The following TTC13 variants were observed in gnomAD, a reference collection of about 807,000 sequenced individuals.
TTC13 encodes the protein tetratricopeptide repeat protein 13.
A neutral mutation model predicts 120.0 loss-of-function variants in TTC13; 62 were observed. That is an observed-to-expected ratio of 0.52 (90% CI 0.42 to 0.64). The LOEUF is 0.64. Ranked by LOEUF, TTC13 falls within the 30% of genes least tolerant of loss-of-function variation. TTC13 has a pLI of 0.00. For missense variants in TTC13, 824 were observed against 1,050.2 expected, an observed-to-expected ratio of 0.78 and a Z score of 2.98; for synonymous variants, 384 against 393.5, an observed-to-expected ratio of 0.98 and a Z score of 0.28.
At chr1:230,933,712 T>C (rs1673777634) in intron 9 of TTC13, 67 bp downstream of exon 9, 1 of 813,766 alleles carries the variant, frequency 1.2e-6, no homozygotes, top group Non-Finnish European at 2.0e-6. Flanking sequence ...TTAAATATTA[T>C]GTGAAGCTAT....
At chr1:230,945,268 G>A (rs1674877901) in intron 5 of TTC13, 121 bp downstream of exon 5, 3 of 905,176 alleles carry the variant, frequency 3.3e-6, no homozygotes, top group Middle Eastern at 2.2e-4. Context: ...TCTGTGAACT[G>A]GAATGATAGA....
intron 4 of TTC13, among the ~76,000 whole-genome samples, chr1:230,954,106 C>T (rs898068669): frequency 2.6e-5 from 4 of 151,834 alleles, no homozygotes; most frequent in Admixed American, 1.3e-4. Flanking sequence ...GATTAGATTC[C>T]CTTTTCTCAT....
chr1:230,916,473 C>T (rs997616488), intron 17 of TTC13, among the ~76,000 whole-genome samples, 171 bp from the exon 18 acceptor site: 1 of 152,104 alleles, frequency 6.6e-6, no homozygotes, highest in Non-Finnish European at 1.5e-5. Flanking sequence ...TGTCTTCAGG[C>T]CCCAACAGAG....
At chr1:230,938,759 G>C (rs1674301292) in intron 8 of TTC13, among the ~76,000 whole-genome samples, 1 of 152,190 alleles carries the variant, frequency 6.6e-6, no homozygotes, top group African/African-American at 2.4e-5. Context: ...TTTGGTCTCA[G>C]TGCTGGAATC....
chr1:230,924,326 A>G (rs910318343), intron 14 of TTC13, among the ~76,000 whole-genome samples: 1 of 152,100 alleles, frequency 6.6e-6, no homozygotes, highest in Non-Finnish European at 1.5e-5. Flanking sequence ...ATGTGACAAC[A>G]ATCAATTCGT....
At chr1:230,958,128 A>G in intron 3 of TTC13, 96 bp downstream of exon 3, 1 of 1,245,146 alleles carries the variant, frequency 8.0e-7, no homozygotes, top group South Asian at 1.4e-5. Flanking sequence ...TGGCAAAGCC[A>G]GTCTCTCTAC....
intron 17 of TTC13, among the ~76,000 whole-genome samples, chr1:230,916,903 T>C (rs2102765413): frequency 6.6e-6 from 1 of 152,356 alleles, no homozygotes; most frequent in Middle Eastern, 3.4e-3. Context: ...GTTAGCTTTC[T>C]GTTTAAAACA....
intron 8 of TTC13, chr1:230,936,210 A>G (rs1462164914): frequency 2.2e-6 from 1 of 456,300 alleles, no homozygotes; most frequent in Admixed American, 2.3e-5. Context: ...TCAGCTTTTA[A>G]GAGTCTTTGG....
rs1050198504 is a variant in TTC13 at position 230,931,291 on chromosome 1, G to A, written c.1300+7C>T. The A allele has an allele frequency of 8.1e-6, 13 of 1,611,514 alleles. No individual in the cohort carries two copies. The highest frequency in any genetic ancestry group is 1.1e-5 in the Non-Finnish European group (13 of 1,179,178). Reference sequence around the variant, plus strand: ...AAATCCAACAATTCTGTGATTTTCTGACTTACCTCGGAGATACTTTACTTT... The same window carrying A: ...AAATCCAACAATTCTGTGATTTTCTAACTTACCTCGGAGATACTTTACTTT... On this transcript the variant is annotated splice_region_variant and intron_variant, in intron 11 of 22. Coordinates refer to ENST00000366661, the MANE Select transcript of TTC13 (RefSeq NM_024525.5).
intron 15 of TTC13, among the ~76,000 whole-genome samples, chr1:230,922,941 T>C (rs1672720110): frequency 6.6e-6 from 1 of 152,190 alleles, no homozygotes; most frequent in Non-Finnish European, 1.5e-5. Context: ...TCTACCTATC[T>C]ATGCCACAAA....
intron 3 of TTC13, among the ~76,000 whole-genome samples, chr1:230,956,739 C>T (rs980351070): frequency 4.6e-5 from 7 of 152,040 alleles, no homozygotes; most frequent in South Asian, 4.1e-4. Context: ...GTGAAAAAAA[C>T]GCAGAAGTAT....
In TTC13 at chr1:230,915,158, A is replaced by G. The variant is rs373682488; in HGVS notation, c.2093+1035T>C. 5.3e-5 allele frequency among the ~76,000 whole-genome samples: 8 copies of G among 152,342 alleles called. No individual in the cohort carries two copies. The South Asian group carries it at 8.3e-4, about 16-fold the overall frequency. On this transcript the variant is annotated intron_variant, in intron 18 of 22. Transcript: ENST00000366661. ...TTGCTGAACTGGTGTTTACTCATGA[A>G]GGCCTGTTTAAGTTTTGACATGGAA...
At chr1:230,969,139 G>A (rs1677460559) in intron 1 of TTC13, among the ~76,000 whole-genome samples, 1 of 110,456 alleles carries the variant, frequency 9.1e-6, no homozygotes, top group African/African-American at 3.9e-5. Context: ...GCAGGCGCCT[G>A]TAGTCCCAGC....
intron 1 of TTC13, among the ~76,000 whole-genome samples, chr1:230,967,213 C>T (rs1677212055): frequency 6.6e-6 from 1 of 151,912 alleles, no homozygotes; most frequent in Non-Finnish European, 1.5e-5. Context: ...CTCAATAACG[C>T]CACTGATTAA....
chr1:230,918,248 T>G (rs184377573), intron 17 of TTC13, among the ~76,000 whole-genome samples: 1 of 152,244 alleles, frequency 6.6e-6, no homozygotes, highest in South Asian at 2.1e-4. Flanking sequence ...GTCTACTATA[T>G]ATAGCTTGGA....
intron 17 of TTC13, among the ~76,000 whole-genome samples, chr1:230,918,409 C>T (rs972890744): frequency 2.0e-5 from 3 of 152,130 alleles, no homozygotes; most frequent in Non-Finnish European, 2.9e-5. Context: ...TACTGCTTTC[C>T]GGCTTCTAGA....
At chr1:230,975,789 G>A (rs1362972463) in intron 1 of TTC13, among the ~76,000 whole-genome samples, 3 of 152,184 alleles carry the variant, frequency 2.0e-5, no homozygotes, top group East Asian at 3.9e-4. Context: ...GGACATCCAT[G>A]CCTGTCACTT....
Position 230,940,681 on chromosome 1 carries a change from C to A in TTC13, c.673-125G>T. The A allele has an allele frequency of 1.5e-6, 1 of 660,008 alleles. No homozygotes were observed. The highest frequency in any genetic ancestry group is 2.7e-6 in the Non-Finnish European group (1 of 369,346). The allele number at this position is 660,008 out of a possible 1,614,324, so 40.9% of individuals were successfully genotyped here. On this transcript the variant is annotated intron_variant, in intron 6 of 22. Coordinates refer to ENST00000366661, the MANE Select transcript of TTC13 (RefSeq NM_024525.5). The surrounding 1 kb of genome is among the most constrained non-coding windows in gnomAD (Gnocchi z 4.1). ...AAAATTACTCTCAGCAGGCTGCAAT[C>A]CTTGACCCCCTATATTATGCGGTGG...
At chr1:230,941,424 T>C (rs1674524802) in intron 6 of TTC13, among the ~76,000 whole-genome samples, 1 of 152,026 alleles carries the variant, frequency 6.6e-6, no homozygotes, top group Non-Finnish European at 1.5e-5. Context: ...GCCTCTTGAG[T>C]AGTTTAGGCT....
Sources: allele counts gnomAD v4.1 joint callset (sites outside exome capture counted in the v4.1 genomes callset), GRCh38; gene constraint gnomAD v4.1.1; non-coding constraint Gnocchi (gnomAD v3.1); transcripts MANE v1.5; gene names NCBI Gene and HGNC (gene_info 2026-07-23, HGNC 2026-07-21).